Variants in IL33 observed in about 807,000 individuals in gnomAD.
IL33 encodes interleukin 33.
Under a neutral mutation model 27.3 loss-of-function variants are expected in IL33, and 37 were observed. That is an observed-to-expected ratio of 1.36 (90% CI 1.04 to 1.78). The LOEUF is 1.78. Ranked by LOEUF, IL33 falls within the 40% of genes most tolerant of loss-of-function variation. The pLI, the probability that IL33 is intolerant of heterozygous loss-of-function variation, is 0.00. For synonymous variants in IL33, 132 were observed against 102.9 expected (o/e 1.28, Z -1.71); for missense variants, 406 against 311.4 (o/e 1.30, Z -2.29).
chr9:6,250,437 GGAAT>G, intron 2 of IL33, 33 bp from the exon 3 acceptor site: 1 of 1,604,680 alleles, frequency 6.2e-7, no homozygotes, highest in Non-Finnish European at 8.5e-7. Flanking sequence ...AAAGATGAAT[GGAAT>G]GAAACAGTCT....
At chr9:6,219,429 C>T (rs995871464) in intron 1 of IL33, among the ~76,000 whole-genome samples, 1 of 152,106 alleles carries the variant, frequency 6.6e-6, no homozygotes, top group Non-Finnish European at 1.5e-5. Flanking sequence ...CTGGCACATG[C>T]TGCTCATGTT....
rs1165392900 is a variant in IL33 at position 6,222,786 on chromosome 9, T to C, written c.-12+6934T>C. The stretch of plus-strand genomic sequence containing the variant: ...TCAGGCAGCAATTTCTTTTTAATTT[T>C]GAAAGTGTTGATGTTGTATTAACTG... On this transcript the variant is annotated intron_variant, in intron 1 of 7. Transcript: ENST00000682010. Among the ~76,000 whole-genome samples the C allele has an allele frequency of 2.0e-5, 3 of 152,208 alleles. No individual in the cohort carries two copies. In the East Asian group the frequency reaches 5.8e-4, roughly 29 times the overall value.
At chr9:6,248,814 A>T (rs1052037875) in intron 2 of IL33, among the ~76,000 whole-genome samples, 8 of 152,010 alleles carry the variant, frequency 5.3e-5, no homozygotes, top group African/African-American at 1.9e-4. Flanking sequence ...TCTAGCCTCA[A>T]GCAATTTTCT....
chr9:6,215,266 C>T (rs1818090491), upstream of IL33, among the ~76,000 whole-genome samples: 1 of 152,130 alleles, frequency 6.6e-6, no homozygotes, highest in African/African-American at 2.4e-5. Flanking sequence ...AAAGTATTAT[C>T]TTCTGCGAGA....
intron 4 of IL33, 106 bp from the exon 5 acceptor site, chr9:6,252,760 C>T: frequency 7.7e-7 from 1 of 1,304,468 alleles, no homozygotes. Flanking sequence ...CCAACAGTGA[C>T]ATACAAAATG....
intron 2 of IL33, among the ~76,000 whole-genome samples, chr9:6,245,849 T>G (rs1028633967): frequency 6.6e-6 from 1 of 151,226 alleles, no homozygotes; most frequent in African/African-American, 2.4e-5. Context: ...GATCATGAGG[T>G]CAAGAGATTG....
upstream of IL33, among the ~76,000 whole-genome samples, chr9:6,215,253 G>C (rs1818090125): frequency 6.6e-6 from 1 of 152,168 alleles, no homozygotes; most frequent in African/African-American, 2.4e-5. Context: ...TTGCTTTTGT[G>C]ATAAAGTATT....
intron 2 of IL33, among the ~76,000 whole-genome samples, chr9:6,243,510 T>C (rs1055794033): frequency 6.6e-6 from 1 of 152,030 alleles, no homozygotes; most frequent in Non-Finnish European, 1.5e-5. Context: ...CACACCACCA[T>C]ACCTGGCTAA....
intron 2 of IL33, among the ~76,000 whole-genome samples, chr9:6,245,889 C>A (rs997038189): frequency 6.6e-6 from 1 of 151,384 alleles, no homozygotes; most frequent in Non-Finnish European, 1.5e-5. Flanking sequence ...GGTGAAACCC[C>A]GTCTCTACTA....
chr9:6,222,535 A>G (rs948648087), intron 1 of IL33, among the ~76,000 whole-genome samples: 10 of 152,214 alleles, frequency 6.6e-5, no homozygotes, highest in Admixed American at 4.6e-4. Flanking sequence ...CTGTTCTATA[A>G]TATCAGTTAT....
chr9:6,220,593 A>C (rs1167525117), intron 1 of IL33, among the ~76,000 whole-genome samples: 1 of 152,046 alleles, frequency 6.6e-6, no homozygotes, highest in Non-Finnish European at 1.5e-5. Flanking sequence ...ACTTCCTCAA[A>C]TCTGAATTTA....
At chr9:6,235,358 A>G (rs1819142156) in intron 1 of IL33, among the ~76,000 whole-genome samples, 1 of 152,202 alleles carries the variant, frequency 6.6e-6, no homozygotes, top group African/African-American at 2.4e-5. Context: ...CTTATTCTTT[A>G]TACCAAAAGT....
intron 1 of IL33, among the ~76,000 whole-genome samples, chr9:6,223,969 G>A (rs1262934491): frequency 6.6e-6 from 1 of 152,098 alleles, no homozygotes; most frequent in African/African-American, 2.4e-5. Flanking sequence ...ATACTCAGAG[G>A]AGCCAAAGGA....
chr9:6,218,903 T>TATATATATGTTCTCC (rs1818290267), intron 1 of IL33, among the ~76,000 whole-genome samples: 3 of 13,412 alleles, frequency 2.2e-4, no homozygotes, highest in South Asian at 1.6e-3. Flanking sequence ...GTTCTCCATA[T>TATATATATGTTCTCC]ATATATATAT....
intron 4 of IL33, among the ~76,000 whole-genome samples, chr9:6,251,522 G>C (rs992749108): frequency 6.6e-6 from 1 of 151,964 alleles, no homozygotes; most frequent in Non-Finnish European, 1.5e-5. Context: ...GAATCCCATG[G>C]TCATTAGTTT....
rs1819444603 is a variant in IL33 at position 6,240,110 on chromosome 9, C to T, written c.-11-1574C>T. 2.0e-5 allele frequency among the ~76,000 whole-genome samples: 3 copies of T among 152,168 alleles called. No homozygotes were observed. The South Asian group carries it at 6.2e-4, about 32-fold the overall frequency. Reference sequence around the variant, plus strand: ...TCAGTACCAGTATTTCCACTATCTACAAAAAGAGTCCAACTTTGTAAAATA... The same window carrying T: ...TCAGTACCAGTATTTCCACTATCTATAAAAAGAGTCCAACTTTGTAAAATA... On this transcript the variant is annotated intron_variant, in intron 1 of 7. Coordinates refer to ENST00000682010, the MANE Select transcript of IL33 (RefSeq NM_033439.4).
chr9:6,217,063 G>T (rs1040723437), intron 1 of IL33, among the ~76,000 whole-genome samples: 5 of 152,056 alleles, frequency 3.3e-5, no homozygotes, highest in African/African-American at 1.2e-4. Flanking sequence ...GGGAATAGGT[G>T]CTGCTGATTG....
intron 1 of IL33, among the ~76,000 whole-genome samples, chr9:6,229,340 A>T (rs1318354328): frequency 6.6e-6 from 1 of 152,162 alleles, no homozygotes; most frequent in Non-Finnish European, 1.5e-5. Flanking sequence ...AAAGTATGTG[A>T]GGCATGGGAG....
intron 1 of IL33, among the ~76,000 whole-genome samples, chr9:6,226,519 C>T (rs1818637958): frequency 6.6e-6 from 1 of 152,078 alleles, no homozygotes; most frequent in Admixed American, 6.6e-5. Context: ...TCATATTTTC[C>T]ACCTCCAAGT....
Sources: allele counts gnomAD v4.1 joint callset (sites outside exome capture counted in the v4.1 genomes callset), GRCh38; gene constraint gnomAD v4.1.1; transcripts MANE v1.5; gene names NCBI Gene and HGNC (gene_info 2026-07-23, HGNC 2026-07-21).